The following UNC5C variants were observed in gnomAD, a reference collection of about 807,000 sequenced individuals.
UNC5C encodes the protein unc-5 netrin receptor C.
UNC5C carries 47 observed loss-of-function variants against 99.8 expected under a neutral mutation model. The ratio of observed to expected loss-of-function variants is 0.47; its 90% CI spans 0.37 to 0.60. UNC5C has a LOEUF of 0.60. Ranked by LOEUF, UNC5C falls within the 20% of genes least tolerant of loss-of-function variation. The probability of loss-of-function intolerance (pLI) is 0.00; values close to 1 mark genes in which losing one functional copy is unlikely to be tolerated. For missense variants in UNC5C, 1,062 were observed against 1,165.9 expected (o/e 0.91, Z 1.30); for synonymous variants, 487 against 452.2 (o/e 1.08, Z -0.98).
chr4:95,215,305 T>G (rs1738209523), intron 10 of UNC5C, among the ~76,000 whole-genome samples: 2 of 152,250 alleles, frequency 1.3e-5, no homozygotes. Flanking sequence ...GATAATTACA[T>G]GATGAGGATC....
chr4:95,394,478 A>G (rs6854948), intron 1 of UNC5C, among the ~76,000 whole-genome samples: 70,579 of 152,134 alleles, frequency 0.46, 16,596 homozygotes, highest in Admixed American at 0.52. Context: ...CACTTTACCA[A>G]CAAAAAATAT....
chr4:95,191,102 C>G (rs954048990), intron 12 of UNC5C, among the ~76,000 whole-genome samples: 5 of 152,174 alleles, frequency 3.3e-5, no homozygotes, highest in African/African-American at 1.2e-4. Flanking sequence ...AGAGGATCTC[C>G]CCTCGTTAAG....
chr4:95,229,150 T>G (rs998415945), intron 7 of UNC5C, among the ~76,000 whole-genome samples: 2 of 152,168 alleles, frequency 1.3e-5, no homozygotes, highest in African/African-American at 4.8e-5. Flanking sequence ...TAATTATACT[T>G]CAAGTTCTGA....
chr4:95,328,062 A>ATTTTTTTTTTTT (rs71583698), intron 2 of UNC5C, among the ~76,000 whole-genome samples: 1 of 86,718 alleles, frequency 1.2e-5, no homozygotes, highest in African/African-American at 3.9e-5. Flanking sequence ...TTTTTTTTTA[A>ATTTTTTTTTTTT]TTTTTTTTTT....
chr4:95,455,091 A>G (rs184486441), intron 1 of UNC5C, among the ~76,000 whole-genome samples: 83 of 152,278 alleles, frequency 5.5e-4, no homozygotes, highest in Admixed American at 4.6e-4. Context: ...AAAAATGTAT[A>G]GAGTACATGT....
In UNC5C at chr4:95,309,248, G is replaced by A. The variant is rs138424188; in HGVS notation, c.347-7499C>T. 3.9e-5 allele frequency among the ~76,000 whole-genome samples: 6 copies of A among 152,082 alleles called. No homozygotes were observed. In the East Asian group the frequency reaches 1.2e-3, roughly 29 times the overall value. ...ATCCCTAGGCAGAAGAATGAAATTA[G>A]ACCCTTAACTCATACCATATACAAA... On this transcript the variant is annotated intron_variant, in intron 2 of 15. Transcript: ENST00000453304.
At chr4:95,514,537 T>C (rs1017150454) in intron 1 of UNC5C, among the ~76,000 whole-genome samples, 2 of 151,700 alleles carry the variant, frequency 1.3e-5, no homozygotes, top group African/African-American at 4.8e-5. Context: ...AAGGTACTTA[T>C]CACAATTACA....
intron 14 of UNC5C, among the ~76,000 whole-genome samples, chr4:95,173,726 C>G (rs1335817909): frequency 0.019 from 2,929 of 151,912 alleles, 102 homozygotes; most frequent in African/African-American, 0.067. Flanking sequence ...TCTCTGCCAG[C>G]CTTTGGTATC....
At chr4:95,319,759 AT>A (rs1399534288) in intron 2 of UNC5C, among the ~76,000 whole-genome samples, 11 of 152,244 alleles carry the variant, frequency 7.2e-5, no homozygotes, top group Non-Finnish European at 1.0e-4. Context: ...GATTGTGGAA[AT>A]TTTTAACTAA....
chr4:95,228,153 G>C (rs1003608027), intron 7 of UNC5C, among the ~76,000 whole-genome samples: 3 of 152,160 alleles, frequency 2.0e-5, no homozygotes, highest in African/African-American at 7.2e-5. Context: ...TAGCCTGTCT[G>C]GTGGGTTTAT....
chr4:95,382,782 A>T (rs1388684410), intron 1 of UNC5C, among the ~76,000 whole-genome samples: 1 of 152,166 alleles, frequency 6.6e-6, no homozygotes, highest in Non-Finnish European at 1.5e-5. Context: ...TGCTTTATCA[A>T]TGCTTGGCTG....
intron 1 of UNC5C, among the ~76,000 whole-genome samples, chr4:95,497,029 G>A (rs1382349385): frequency 2.0e-5 from 3 of 151,910 alleles, no homozygotes; most frequent in Non-Finnish European, 2.9e-5. Flanking sequence ...TTATGGCTGA[G>A]TAGTATTCCA....
intron 1 of UNC5C, among the ~76,000 whole-genome samples, chr4:95,493,537 T>A (rs956331954): frequency 6.6e-6 from 1 of 151,478 alleles, no homozygotes; most frequent in Non-Finnish European, 1.5e-5. Context: ...TGAGCTTTAT[T>A]AAACTTTAAC....
chr4:95,358,785 G>T (rs183812766), intron 1 of UNC5C, among the ~76,000 whole-genome samples: 2 of 152,208 alleles, frequency 1.3e-5, no homozygotes, highest in East Asian at 3.9e-4. Context: ...AGCCCAGCCT[G>T]CAATCTTTAC....
chr4:95,225,858 A>G (rs1738667222), intron 7 of UNC5C, among the ~76,000 whole-genome samples: 2 of 152,204 alleles, frequency 1.3e-5, no homozygotes, highest in Non-Finnish European at 2.9e-5. Flanking sequence ...TTTTTCCATC[A>G]TTTTCAAAAC....
At chr4:95,203,003 A>G in intron 11 of UNC5C, 39 bp from the exon 12 acceptor site, 1 of 1,604,426 alleles carries the variant, frequency 6.2e-7, no homozygotes, top group Non-Finnish European at 8.5e-7. Flanking sequence ...TAAGTCACCC[A>G]GGACGCATGC....
At chr4:95,521,188 C>G (rs1722345678) in intron 1 of UNC5C, among the ~76,000 whole-genome samples, 1 of 146,396 alleles carries the variant, frequency 6.8e-6, no homozygotes. Flanking sequence ...GATCTAGTGT[C>G]TCTTCTTCTT....
intron 5 of UNC5C, chr4:95,248,501 A>G: frequency 2.2e-6 from 1 of 455,164 alleles, no homozygotes; most frequent in East Asian, 7.0e-5. Context: ...CCTTGAGGAT[A>G]AGAATGTTAC....
At position 95,169,393 on chromosome 4, in the gene UNC5C, C is replaced by T; in HGVS notation, c.2637G>A (p.Leu879=). The part of the protein sequence containing the change: ...LAHKLNLDRY[L]NYFATKSSPT... ...GGCTGGATTTGGTGGCAAAGTAATT[C>T]AAGTACCTGTAATTGGGAAAGAGAA... is the stretch of plus-strand genomic sequence containing the variant. The change falls in exon 16 of 16, where the codon TTG becomes TTA. Residue 879 remains leucine (L), a synonymous_variant. Transcript: ENST00000453304. The T allele has an allele frequency of 1.2e-6, 2 of 1,614,002 alleles. No individual in the cohort carries two copies.
Sources: allele counts gnomAD v4.1 joint callset (sites outside exome capture counted in the v4.1 genomes callset), GRCh38; gene constraint gnomAD v4.1.1; transcripts MANE v1.5; gene names NCBI Gene and HGNC (gene_info 2026-07-23, HGNC 2026-07-21).